The following PSD3 variants were observed in gnomAD, a reference collection of about 807,000 sequenced individuals.
PSD3 encodes the protein PH and SEC7 domain-containing protein 3.
In PSD3, 49 loss-of-function variants were observed where a neutral mutation model predicts 105.5. The observed-to-expected ratio is 0.46, with a 90% CI of 0.37 to 0.59. PSD3 has a LOEUF of 0.59. PSD3 is among the 20% of genes least tolerant of loss of function. The probability of loss-of-function intolerance (pLI) is 0.00; values close to 1 mark genes in which losing one functional copy is unlikely to be tolerated. For missense variants in PSD3, 1,561 were observed against 1,263.8 expected (o/e 1.24, Z -3.57); for synonymous variants, 557 against 457.8 (o/e 1.22, Z -2.77).
intron 1 of PSD3, among the ~76,000 whole-genome samples, chr8:19,071,112 A>T (rs754411290): frequency 4.7e-5 from 7 of 150,268 alleles, no homozygotes; most frequent in South Asian, 2.1e-4. Flanking sequence ...CAGGCTGGAG[A>T]GCAATGGTGC....
chr8:18,673,218 A>C (rs760185302), intron 9 of PSD3, among the ~76,000 whole-genome samples: 17 of 150,746 alleles, frequency 1.1e-4, no homozygotes, highest in Non-Finnish European at 2.4e-4. Context: ...ACACACACAC[A>C]CCCACACACA....
At chr8:18,973,762 T>C (rs969734007) in intron 1 of PSD3, among the ~76,000 whole-genome samples, 2 of 152,212 alleles carry the variant, frequency 1.3e-5, no homozygotes, top group African/African-American at 2.4e-5. Context: ...GTGGGAGTAT[T>C]AGAGTTGGAC....
At chr8:18,718,086 T>C (rs1456978548) in intron 9 of PSD3, among the ~76,000 whole-genome samples, 2 of 152,166 alleles carry the variant, frequency 1.3e-5, no homozygotes, top group African/African-American at 4.8e-5. Flanking sequence ...TGGAATTAGT[T>C]TCACCCTGCC....
At chr8:18,884,876 A>G (rs1818357031) in intron 2 of PSD3, among the ~76,000 whole-genome samples, 1 of 152,186 alleles carries the variant, frequency 6.6e-6, no homozygotes, top group African/African-American at 2.4e-5. Context: ...TGAGCTAAGG[A>G]GTGGCACCGC....
intron 1 of PSD3, among the ~76,000 whole-genome samples, chr8:18,982,809 C>T (rs974898087): frequency 5.9e-5 from 9 of 152,142 alleles, no homozygotes; most frequent in Non-Finnish European, 1.3e-4. Flanking sequence ...TTATAGAGCA[C>T]AAGTAGAGTA....
intron 2 of PSD3, among the ~76,000 whole-genome samples, chr8:18,875,538 G>C (rs1159736239): frequency 6.6e-6 from 1 of 151,564 alleles, no homozygotes; most frequent in South Asian, 2.1e-4. Flanking sequence ...TCTAATTCTA[G>C]AACTTTTTTT....
chr8:18,544,880 A>C (rs7015949), intron 15 of PSD3, among the ~76,000 whole-genome samples: 2 of 151,814 alleles, frequency 1.3e-5, no homozygotes, highest in East Asian at 3.9e-4. Context: ...CAGGCCCTTC[A>C]GAGAGGAAGG....
chr8:18,779,330 C>CT (rs979889879), intron 8 of PSD3, among the ~76,000 whole-genome samples: 1 of 151,378 alleles, frequency 6.6e-6, no homozygotes, highest in Non-Finnish European at 1.5e-5. Context: ...TTTGTGTCTT[C>CT]TTTTTTAATC....
Position 18,749,079 on chromosome 8 carries a change from T to G in PSD3, c.2172+16370A>C, listed in dbSNP as rs557768703. ...GTCTTAGTCCTTTTAAAATAATGAT[T>G]CTGCATGCTACGTGTTGATTATCTT... On this transcript the variant is annotated intron_variant, in intron 9 of 15. Coordinates refer to ENST00000327040, the MANE Select transcript of PSD3 (RefSeq NM_015310.4). 5.3e-5 allele frequency among the ~76,000 whole-genome samples: 8 copies of G among 152,368 alleles called. No homozygotes were observed. The East Asian group carries it at 1.5e-3, about 29-fold the overall frequency.
intron 1 of PSD3, among the ~76,000 whole-genome samples, chr8:18,989,002 T>C (rs1362118532): frequency 6.6e-6 from 1 of 152,202 alleles, no homozygotes; most frequent in South Asian, 2.1e-4. Flanking sequence ...GCCTGCATGG[T>C]CGGGACTCCA....
At chr8:18,803,661 T>C (rs1009099566) in intron 6 of PSD3, among the ~76,000 whole-genome samples, 2 of 152,046 alleles carry the variant, frequency 1.3e-5, no homozygotes, top group Non-Finnish European at 2.9e-5. Flanking sequence ...GAAGACATTA[T>C]GCTAAGTTAA....
chr8:18,921,332 T>C (rs998008150), intron 2 of PSD3, among the ~76,000 whole-genome samples: 2 of 152,230 alleles, frequency 1.3e-5, no homozygotes, highest in Non-Finnish European at 2.9e-5. Flanking sequence ...AATTATCTTT[T>C]AAAACACAAT....
rs1220204606 is a variant in PSD3, at chr8:18,719,960, GCAT to G, written c.2172+45486_2172+45488del. ...GCCTCTTCTGTTCATAGCGATATAT[GCAT>G]CATATTTCTCATATCGAAACCCAAA... On this transcript the variant is annotated intron_variant, in intron 9 of 15. Coordinates refer to ENST00000327040, the MANE Select transcript of PSD3 (RefSeq NM_015310.4). Among the ~76,000 whole-genome samples, 3 of 152,232 alleles carry G rather than the reference GCAT, an allele frequency of 2.0e-5. No individual in the cohort carries two copies. In the South Asian group the frequency reaches 6.2e-4, roughly 32 times the overall value.
chr8:18,697,241 A>G (rs964452571), intron 9 of PSD3, among the ~76,000 whole-genome samples: 55 of 152,292 alleles, frequency 3.6e-4, no homozygotes, highest in Non-Finnish European at 2.6e-4. Context: ...CGACAGCGAC[A>G]TGGGGTGAGT....
At chr8:19,003,151 C>T (rs1826489377) in intron 1 of PSD3, among the ~76,000 whole-genome samples, 1 of 151,956 alleles carries the variant, frequency 6.6e-6, no homozygotes, top group Non-Finnish European at 1.5e-5. Context: ...TCAGACTATC[C>T]AATTCAAGGG....
intron 11 of PSD3, among the ~76,000 whole-genome samples, chr8:18,629,479 A>G (rs558899571): frequency 6.6e-6 from 1 of 152,134 alleles, no homozygotes; most frequent in South Asian, 2.1e-4. Flanking sequence ...GAATCAATAA[A>G]CTGTGGGATA....
At chr8:18,822,987 T>C (rs1054978575) in intron 4 of PSD3, among the ~76,000 whole-genome samples, 1 of 152,086 alleles carries the variant, frequency 6.6e-6, no homozygotes, top group Non-Finnish European at 1.5e-5. Context: ...ATCAATCAGC[T>C]CTTGAAGTTT....
chr8:18,546,320 A>T (rs1800448810), intron 15 of PSD3, among the ~76,000 whole-genome samples: 1 of 152,104 alleles, frequency 6.6e-6, no homozygotes, highest in Non-Finnish European at 1.5e-5. Context: ...AAACTTTCTG[A>T]ATTTCCAGTT....
chr8:18,729,143 A>T (rs1803545093), intron 9 of PSD3, among the ~76,000 whole-genome samples: 1 of 152,226 alleles, frequency 6.6e-6, no homozygotes, highest in Admixed American at 6.5e-5. Context: ...GACTTCATCA[A>T]CTATAAGAAC....
Sources: gnomAD v4.1 joint callset for allele counts (sites outside exome capture counted in the v4.1 genomes callset) on GRCh38, gnomAD v4.1.1 for gene constraint, MANE v1.5 for transcripts, NCBI Gene and HGNC (gene_info 2026-07-23, HGNC 2026-07-21) for gene names.